The following RERG variants were observed in gnomAD, a reference collection of about 807,000 sequenced individuals.
RERG encodes RAS like estrogen regulated growth inhibitor.
RERG carries 25 observed loss-of-function variants against 23.2 expected under a neutral mutation model. The ratio of observed to expected loss-of-function variants is 1.08; its 90% CI spans 0.79 to 1.50. The LOEUF is 1.50. RERG is among the 40% of genes most tolerant of loss of function. The pLI is 0.00. For missense variants in RERG, 253 were observed against 250.1 expected (o/e 1.01, Z -0.08); for synonymous variants, 81 against 89.1 (o/e 0.91, Z 0.51).
chr12:15,174,119 T>C (rs536682141), intron 2 of RERG, among the ~76,000 whole-genome samples: 1 of 152,060 alleles, frequency 6.6e-6, no homozygotes, highest in Admixed American at 6.6e-5. Flanking sequence ...AGAGACAAAT[T>C]CTCTCAGTTT....
chr12:15,187,118 G>A (rs555872507), intron 2 of RERG, among the ~76,000 whole-genome samples: 4 of 152,222 alleles, frequency 2.6e-5, no homozygotes, highest in Admixed American at 2.0e-4. Flanking sequence ...TAAACTGGAA[G>A]TTACGACCAA....
At chr12:15,117,356 G>T (rs910818810) in intron 3 of RERG, among the ~76,000 whole-genome samples, 1 of 152,094 alleles carries the variant, frequency 6.6e-6, no homozygotes, top group Non-Finnish European at 1.5e-5. Context: ...TAAGCTCCTT[G>T]CAGTGCCAAT....
chr12:15,131,664 T>G (rs954929951), intron 2 of RERG, among the ~76,000 whole-genome samples: 1 of 152,084 alleles, frequency 6.6e-6, no homozygotes, highest in African/African-American at 2.4e-5. Context: ...GTTTATGCCA[T>G]CTGGCATAAA....
chr12:15,181,040 T>C (rs1430657423), intron 2 of RERG, among the ~76,000 whole-genome samples: 1 of 152,174 alleles, frequency 6.6e-6, no homozygotes, highest in African/African-American at 2.4e-5. Context: ...TGGGGAAATG[T>C]CATTTAGCCA....
chr12:15,157,226 T>C (rs1325721189), intron 2 of RERG, among the ~76,000 whole-genome samples: 1 of 152,234 alleles, frequency 6.6e-6, no homozygotes, highest in African/African-American at 2.4e-5. Flanking sequence ...ATTTTGCATA[T>C]AAGACAGATG....
At chr12:15,209,087 C>T (rs138631432) in intron 2 of RERG, among the ~76,000 whole-genome samples, 25 of 152,292 alleles carry the variant, frequency 1.6e-4, no homozygotes, top group African/African-American at 5.8e-4. Context: ...CACAAACAGC[C>T]AACTGCTGGA....
At chr12:15,115,337 C>A (rs568195658) in intron 3 of RERG, among the ~76,000 whole-genome samples, 1 of 152,192 alleles carries the variant, frequency 6.6e-6, no homozygotes, top group East Asian at 1.9e-4. Flanking sequence ...TGCCCAAGGT[C>A]ACACAGATAA....
At chr12:15,173,906 T>C (rs1185134500) in intron 2 of RERG, among the ~76,000 whole-genome samples, 2 of 152,028 alleles carry the variant, frequency 1.3e-5, no homozygotes. Flanking sequence ...TGTCTGCAAA[T>C]AGTTGTTTTA....
At chr12:15,133,983 C>A (rs2136097523) in intron 2 of RERG, among the ~76,000 whole-genome samples, 1 of 152,056 alleles carries the variant, frequency 6.6e-6, no homozygotes, top group Admixed American at 6.5e-5. Flanking sequence ...AAGTTCTTTG[C>A]ATATTTTAGA....
At chr12:15,172,402 AT>A (rs1864789677) in intron 2 of RERG, among the ~76,000 whole-genome samples, 1 of 151,938 alleles carries the variant, frequency 6.6e-6, no homozygotes, top group African/African-American at 2.4e-5. Context: ...GGTTGTTTTT[AT>A]TTTGGGCTAT....
intron 2 of RERG, among the ~76,000 whole-genome samples, chr12:15,128,651 C>T (rs1234860066): frequency 6.6e-6 from 1 of 152,170 alleles, no homozygotes; most frequent in Non-Finnish European, 1.5e-5. Context: ...GCTGGACTCA[C>T]TCAAGTGCCT....
rs898966524 is a variant in RERG, at chr12:15,107,941, T to A, written c.*1169A>T. 10 of 152,632 alleles carry A rather than the reference T, an allele frequency of 6.6e-5. No homozygotes were observed. The highest frequency in any genetic ancestry group is 1.0e-4 in the Non-Finnish European group (7 of 68,010). 9.5% of individuals were successfully genotyped at this position (152,632 alleles called of 1,614,324 possible). On this transcript the variant is annotated 3_prime_UTR_variant, in exon 5 of 5. Transcript: ENST00000256953. ...TAAATACATACATATGTAAAAGATA[T>A]ATATTTTCTACTAAAATAAAGTACC...
At chr12:15,118,523 G>A (rs4475976) in intron 3 of RERG, among the ~76,000 whole-genome samples, 101,143 of 152,024 alleles carry the variant, frequency 0.67, 33,751 homozygotes, top group Admixed American at 0.74. Context: ...TAGCTGATAT[G>A]GTTTGGATCT....
At chr12:15,110,310 G>A (rs529344431) in intron 4 of RERG, among the ~76,000 whole-genome samples, 1 of 152,168 alleles carries the variant, frequency 6.6e-6, no homozygotes, top group South Asian at 2.1e-4. Context: ...TAAGTAGGTG[G>A]TGATGAGATG....
At chr12:15,147,199 C>T (rs1222841001) in intron 2 of RERG, among the ~76,000 whole-genome samples, 1 of 152,104 alleles carries the variant, frequency 6.6e-6, no homozygotes, top group Non-Finnish European at 1.5e-5. Flanking sequence ...GATAATTATA[C>T]TGGTGACCAG....
intron 2 of RERG, among the ~76,000 whole-genome samples, chr12:15,196,367 A>G (rs1487950986): frequency 6.6e-6 from 1 of 152,188 alleles, no homozygotes. Flanking sequence ...TGAGATAATT[A>G]ACACTGTCAG....
chr12:15,204,805 A>C (rs1020668808), intron 2 of RERG, among the ~76,000 whole-genome samples: 6 of 151,890 alleles, frequency 4.0e-5, no homozygotes. Context: ...CATTTCTGAT[A>C]ATAAATAGCT....
chr12:15,109,093 C>A lies in RERG; in HGVS notation c.*17G>T. 6.5e-7 allele frequency: 1 copy of A among 1,538,608 alleles called. No homozygotes were observed. The highest frequency in any genetic ancestry group is 1.3e-5 in the South Asian group (1 of 78,190). On this transcript the variant is annotated 3_prime_UTR_variant, in exon 5 of 5. Coordinates refer to ENST00000256953, the MANE Select transcript of RERG (RefSeq NM_032918.3). ...GAAGAGTGTTTCCAATTAGTTGGTC[C>A]ACCTCAGCTGGGCTGCCTAACTACT...
At chr12:15,135,771 AC>A (rs1864134919) in intron 2 of RERG, among the ~76,000 whole-genome samples, 1 of 151,906 alleles carries the variant, frequency 6.6e-6, no homozygotes, top group Non-Finnish European at 1.5e-5. Flanking sequence ...TGGCATATAC[AC>A]CTTTTTATAC....
Sources: gnomAD v4.1 joint callset for allele counts (sites outside exome capture counted in the v4.1 genomes callset) on GRCh38, gnomAD v4.1.1 for gene constraint, MANE v1.5 for transcripts, NCBI Gene and HGNC (gene_info 2026-07-23, HGNC 2026-07-21) for gene names.